MSMB: variants seen among roughly 807,000 people sequenced by gnomAD.
MSMB encodes beta-microseminoprotein.
Under a neutral mutation model 10.5 loss-of-function variants are expected in MSMB, and 10 were observed. That is an observed-to-expected ratio of 0.95 (90% CI 0.59 to 1.62). MSMB has a LOEUF of 1.62. Ranked by LOEUF, MSMB falls within the 40% of genes most tolerant of loss-of-function variation. The pLI is 0.00. For missense variants in MSMB, 126 were observed against 137.4 expected, an observed-to-expected ratio of 0.92 and a Z score of 0.42; for synonymous variants, 43 against 46.5, an observed-to-expected ratio of 0.93 and a Z score of 0.30.
In MSMB at chr10:46,040,090, T is replaced by A; in HGVS notation, c.5A>T (p.Asn2Ile). The change falls in exon 2 of 4, where the codon AAT (asparagine) becomes ATT (isoleucine). Residue 2 changes from asparagine (N) to isoleucine (I), a missense_variant and splice_region_variant. Asn to Ile is a moderately radical substitution (Grantham distance 149). Coordinates refer to ENST00000582163, the MANE Select transcript of MSMB (RefSeq NM_002443.4). ...GATCACAACGCTGCCCAGGAGAACA[T>A]TCTGTAATGTGAAGAAAGGTCAGGG... M[N>I]VLLGSVVIFA... 1 of 1,612,984 alleles carries A rather than the reference T, an allele frequency of 6.2e-7. No homozygotes were observed. Among genetic ancestry groups the A allele is most frequent in the Non-Finnish European group, 8.5e-7 (1 of 1,179,064 alleles).
chr10:46,033,577 T>C (rs1554927124), intron 3 of MSMB, 26 bp from the exon 4 acceptor site: 1 of 1,611,410 alleles, frequency 6.2e-7, no homozygotes, highest in East Asian at 2.2e-5. Context: ...AACTGGGGCC[T>C]GTTAGAAGAG....
intron 1 of MSMB, among the ~76,000 whole-genome samples, chr10:46,040,905 G>C (rs1840731540): frequency 2.0e-5 from 3 of 150,272 alleles, no homozygotes. Context: ...AGTGAGCCGA[G>C]ATCTGGCCAC....
At position 46,040,042 on chromosome 10, in the gene MSMB, C is replaced by T. The variant is rs189129089; in HGVS notation, c.53G>A (p.Cys18Tyr). The T allele has an allele frequency of 2.5e-5, 41 of 1,613,988 alleles. 1 individual carries two copies. In the East Asian group the frequency reaches 8.2e-4, roughly 32 times the overall value. ...AGGTATGAAATAGCATGATGCATTGCATAAAGTCACGAAGGTGGCAAAGAT... is the reference window on the plus strand; with the variant it reads ...AGGTATGAAATAGCATGATGCATTGTATAAAGTCACGAAGGTGGCAAAGAT... Reference protein sequence around the residue: ...VVIFATFVTLCNASCYFIPNE... With the variant: ...VVIFATFVTLYNASCYFIPNE... Residue 18 changes from cysteine (C) to tyrosine (Y), a missense_variant, in exon 2 of 4, where the codon TGC (cysteine) becomes TAC (tyrosine). Transcript: ENST00000582163.
intron 3 of MSMB, among the ~76,000 whole-genome samples, chr10:46,038,332 G>C (rs373845763): frequency 1.3e-5 from 2 of 151,866 alleles, no homozygotes; most frequent in South Asian, 2.1e-4. Flanking sequence ...CTGTCGCCCA[G>C]GCTGGAGTGC....
chr10:46,034,107 A>G (rs1840535522), intron 3 of MSMB, among the ~76,000 whole-genome samples: 1 of 152,062 alleles, frequency 6.6e-6, no homozygotes, highest in Non-Finnish European at 1.5e-5. Context: ...TTTATGTATT[A>G]TTACTATTAT....
chr10:46,046,105 A>G (rs1840890015), intron 1 of MSMB, 130 bp downstream of exon 1: 1 of 958,154 alleles, frequency 1.0e-6, no homozygotes, highest in Admixed American at 1.9e-5. Flanking sequence ...ATTGCAGGTA[A>G]TAACATAAGG....
At chr10:46,042,527 A>T (rs1554928781) in intron 1 of MSMB, among the ~76,000 whole-genome samples, 1 of 152,230 alleles carries the variant, frequency 6.6e-6, no homozygotes, top group Non-Finnish European at 1.5e-5. Flanking sequence ...CATTCTTAAA[A>T]CCGTTTACAA....
At position 46,033,407 on chromosome 10, in the gene MSMB, CCTA is replaced by C. The variant is rs1194724064; in HGVS notation, c.*12_*14del. ...TGAGGCCTGGCCTGGGAGCCCTGTG[CCTA>C]CTAGAAGCACATTAGATTATCCATT... is the stretch of plus-strand genomic sequence containing the variant. On this transcript the variant is annotated 3_prime_UTR_variant, in exon 4 of 4. Coordinates refer to ENST00000582163, the MANE Select transcript of MSMB (RefSeq NM_002443.4). The C allele has an allele frequency of 6.2e-7, 1 of 1,612,852 alleles. No homozygotes were observed. Among genetic ancestry groups the C allele is most frequent in the East Asian group, 2.2e-5 (1 of 44,836 alleles).
intron 3 of MSMB, among the ~76,000 whole-genome samples, chr10:46,035,648 G>T (rs1554927449): frequency 6.6e-6 from 1 of 152,198 alleles, no homozygotes; most frequent in Non-Finnish European, 1.5e-5. Context: ...ACAGGTTTGG[G>T]GGACAGGGAA....
intron 1 of MSMB, among the ~76,000 whole-genome samples, chr10:46,043,823 C>T (rs1840810092): frequency 6.6e-6 from 1 of 152,070 alleles, no homozygotes; most frequent in African/African-American, 2.4e-5. Context: ...TACAGGAGTG[C>T]ACCACCACAC....
chr10:46,038,378 C>T (rs1168966806), intron 3 of MSMB, among the ~76,000 whole-genome samples: 17 of 151,874 alleles, frequency 1.1e-4, no homozygotes, highest in African/African-American at 4.1e-4. Context: ...AGCTCTGCCT[C>T]CCGGGTTCAC....
chr10:46,043,799 T>TG (rs1356426260), intron 1 of MSMB, among the ~76,000 whole-genome samples: 1 of 152,108 alleles, frequency 6.6e-6, no homozygotes, highest in Non-Finnish European at 1.5e-5. Context: ...CTCAGCCTCC[T>TG]GAGTAGCTGG....
intron 1 of MSMB, among the ~76,000 whole-genome samples, chr10:46,044,389 A>C (rs1840834145): frequency 6.6e-6 from 1 of 150,864 alleles, no homozygotes; most frequent in African/African-American, 2.4e-5. Context: ...ATCCTGGCTA[A>C]CATGGTGAAA....
chr10:46,033,574 G>C (rs782562875), intron 3 of MSMB, 23 bp from the exon 4 acceptor site: 108 of 1,611,640 alleles, frequency 6.7e-5, no homozygotes, highest in Non-Finnish European at 9.1e-5. Context: ...CAAAACTGGG[G>C]CCTGTTAGAA....
chr10:46,044,421 A>C (rs1285223234), intron 1 of MSMB, among the ~76,000 whole-genome samples: 2 of 148,840 alleles, frequency 1.3e-5, no homozygotes, highest in African/African-American at 5.0e-5. Context: ...CTAAAAATAC[A>C]AAAAATTAGC....
intron 3 of MSMB, 137 bp from the exon 4 acceptor site, chr10:46,033,688 C>T: frequency 8.2e-7 from 1 of 1,216,708 alleles, no homozygotes; most frequent in Non-Finnish European, 1.2e-6. Flanking sequence ...CAGAGTGTGA[C>T]CTCCAGGAAC....
At chr10:46,033,604 C>A (rs201787722) in intron 3 of MSMB, 53 bp from the exon 4 acceptor site, 2 of 1,602,984 alleles carry the variant, frequency 1.2e-6, no homozygotes, top group Non-Finnish European at 1.7e-6. Context: ...CCCCGAGCAC[C>A]CCCTCCCCAG....
At chr10:46,045,511 C>A (rs1371414252) in intron 1 of MSMB, among the ~76,000 whole-genome samples, 1 of 152,118 alleles carries the variant, frequency 6.6e-6, no homozygotes, top group Non-Finnish European at 1.5e-5. Context: ...CCAGCCTGGG[C>A]AACAGAGTGA....
At chr10:46,041,196 T>C (rs1429315113) in intron 1 of MSMB, among the ~76,000 whole-genome samples, 1 of 151,840 alleles carries the variant, frequency 6.6e-6, no homozygotes, top group Non-Finnish European at 1.5e-5. Context: ...TACCAAAAAA[T>C]TAGCTGGGCG....
Sources: allele counts gnomAD v4.1 joint callset (sites outside exome capture counted in the v4.1 genomes callset), GRCh38; gene constraint gnomAD v4.1.1; transcripts MANE v1.5; gene names NCBI Gene and HGNC (gene_info 2026-07-23, HGNC 2026-07-21).